The following EEIG1 variants were observed in gnomAD, a reference collection of about 807,000 sequenced individuals.
EEIG1 encodes early estrogen-induced gene 1 protein.
chr9:127,956,709 C>T, the EEIG1 span, among the ~76,000 whole-genome samples: 2 of 150,910 alleles, frequency 1.3e-5, no homozygotes, highest in African/African-American at 4.9e-5. Flanking sequence ...CCACACCCGG[C>T]CATTATTATT....
At chr9:127,948,198 G>A in the EEIG1 span, 3 of 1,614,108 alleles carry the variant, frequency 1.9e-6, no homozygotes, top group Non-Finnish European at 2.5e-6. Context: ...GGCCTGGGAT[G>A]GAGATGGACT....
the EEIG1 span, among the ~76,000 whole-genome samples, chr9:127,959,718 C>T: frequency 6.6e-6 from 1 of 152,194 alleles, no homozygotes; most frequent in Admixed American, 6.5e-5. Flanking sequence ...CTCGCTTCCC[C>T]TTCGCCTTCT....
the EEIG1 span, among the ~76,000 whole-genome samples, chr9:127,975,205 G>A: frequency 1.3e-3 from 201 of 152,336 alleles, 1 homozygote; most frequent in African/African-American, 4.4e-3. Context: ...GGCCCCCAGC[G>A]CGGCACTGAC....
the EEIG1 span, chr9:127,942,064 G>T: frequency 6.5e-6 from 1 of 152,704 alleles, no homozygotes; most frequent in Non-Finnish European, 1.5e-5. Flanking sequence ...TCCCCACTGG[G>T]AAAGCACACC....
chr9:127,944,576 C>T, the EEIG1 span: 1 of 1,500,738 alleles, frequency 6.7e-7, no homozygotes. Context: ...ACCCCCAAGC[C>T]CCAGCCGCCC....
chr9:127,979,117 C>T, the EEIG1 span, among the ~76,000 whole-genome samples: 1 of 152,208 alleles, frequency 6.6e-6, no homozygotes, highest in African/African-American at 2.4e-5. Flanking sequence ...TCCCAAAGTG[C>T]TGGGATTACA....
At chr9:127,977,088 A>G in the EEIG1 span, among the ~76,000 whole-genome samples, 1 of 152,178 alleles carries the variant, frequency 6.6e-6, no homozygotes, top group Non-Finnish European at 1.5e-5. Context: ...AAGCAGCTCT[A>G]AACTGGCCTC....
chr9:127,952,809 G>A, the EEIG1 span, among the ~76,000 whole-genome samples: 1 of 152,130 alleles, frequency 6.6e-6, no homozygotes, highest in African/African-American at 2.4e-5. Context: ...ACCCTCCCGG[G>A]TGCAAGCAAT....
At chr9:127,964,714 T>A in the EEIG1 span, among the ~76,000 whole-genome samples, 4 of 152,292 alleles carry the variant, frequency 2.6e-5, no homozygotes, top group African/African-American at 9.6e-5. Flanking sequence ...TCACCTCCAC[T>A]GGGTGCCCAG....
the EEIG1 span, chr9:127,945,762 C>G: frequency 1.3e-6 from 2 of 1,541,002 alleles, no homozygotes; most frequent in Non-Finnish European, 1.8e-6. This position sits in a 1 kb window ranked among gnomAD's most constrained non-coding sequence, Gnocchi z 6.5. Flanking sequence ...CCCTGGAAGG[C>G]AGGAAGGGGC....
the EEIG1 span, among the ~76,000 whole-genome samples, chr9:127,946,690 T>C: frequency 1.3e-5 from 2 of 152,178 alleles, no homozygotes; most frequent in Non-Finnish European, 2.9e-5. Context: ...GAGAGAGTAA[T>C]TGTGCTGGGA....
chr9:127,973,900 T>C, the EEIG1 span, among the ~76,000 whole-genome samples: 2 of 152,276 alleles, frequency 1.3e-5, no homozygotes, highest in Admixed American at 1.3e-4. This position sits in a 1 kb window ranked among gnomAD's most constrained non-coding sequence, Gnocchi z 4.2. Context: ...GGAACTCAAG[T>C]GGGCAGCCCA....
chr9:127,968,092 G>A, the EEIG1 span, among the ~76,000 whole-genome samples: 24 of 146,530 alleles, frequency 1.6e-4, no homozygotes, highest in Admixed American at 1.1e-3. Flanking sequence ...GAGCCACCAC[G>A]CCTGGCTTCC....
the EEIG1 span, chr9:127,953,158 C>T: frequency 5.7e-6 from 1 of 175,324 alleles, no homozygotes; most frequent in South Asian, 1.5e-4. Flanking sequence ...ATATTGTTTG[C>T]ATGCACTTCA....
At chr9:127,949,424 C>T in the EEIG1 span, among the ~76,000 whole-genome samples, 6 of 152,050 alleles carry the variant, frequency 3.9e-5, no homozygotes, top group African/African-American at 1.4e-4. Context: ...ATGAGGGAAC[C>T]AAGACTCAGA....
the EEIG1 span, among the ~76,000 whole-genome samples, chr9:127,948,619 G>A: frequency 2.0e-5 from 3 of 152,258 alleles, no homozygotes; most frequent in African/African-American, 7.2e-5. Flanking sequence ...ATGGAACCAA[G>A]GCCTGCCTGG....
the EEIG1 span, chr9:127,941,515 C>T: frequency 6.6e-6 from 1 of 152,528 alleles, no homozygotes; most frequent in Non-Finnish European, 1.5e-5. Flanking sequence ...CGAGCGAACA[C>T]TCTGTCCCGC....
the EEIG1 span, chr9:127,941,836 G>A: frequency 3.3e-5 from 5 of 152,192 alleles, no homozygotes; most frequent in Non-Finnish European, 5.9e-5. Flanking sequence ...ATTGAACCGT[G>A]AACTCAAGAA....
the EEIG1 span, chr9:127,948,218 A>G: frequency 6.2e-7 from 1 of 1,613,834 alleles, no homozygotes; most frequent in Non-Finnish European, 8.5e-7. Flanking sequence ...TTGGCAGTCG[A>G]TGGTGGCCTT....
Sources: allele counts gnomAD v4.1 joint callset (sites outside exome capture counted in the v4.1 genomes callset), GRCh38; gene constraint gnomAD v4.1.1; non-coding constraint Gnocchi (gnomAD v3.1); transcripts MANE v1.5; gene names NCBI Gene and HGNC (gene_info 2026-07-23, HGNC 2026-07-21).